The following PDE1C variants were observed in gnomAD, a reference collection of about 807,000 sequenced individuals.
PDE1C encodes the protein dual specificity calcium/calmodulin-dependent 3',5'-cyclic nucleotide phosphodiesterase 1C.
PDE1C carries 62 observed loss-of-function variants against 93.1 expected under a neutral mutation model. The ratio of observed to expected loss-of-function variants is 0.67; its 90% CI spans 0.54 to 0.82. The LOEUF (loss-of-function observed/expected upper bound fraction) is 0.82, where lower values mean the gene tolerates loss of function less well. Ranked by LOEUF, PDE1C falls within the 40% of genes least tolerant of loss-of-function variation. The probability of loss-of-function intolerance (pLI) is 0.00; values close to 1 mark genes in which losing one functional copy is unlikely to be tolerated. For synonymous variants in PDE1C, 325 were observed against 310.1 expected (o/e 1.05, Z -0.50); for missense variants, 742 against 884.6 (o/e 0.84, Z 2.04).
the PDE1C span, chr7:31,707,064 G>C: frequency 7.5e-6 from 5 of 666,260 alleles, no homozygotes; most frequent in Non-Finnish European, 1.2e-5. Context: ...CCTTCTCTGG[G>C]TTGGTACTGT....
intron 2 of PDE1C, among the ~76,000 whole-genome samples, chr7:32,187,455 A>G (rs1803958807): frequency 6.6e-6 from 1 of 152,086 alleles, no homozygotes; most frequent in Non-Finnish European, 1.5e-5. Flanking sequence ...TTTTACTAAT[A>G]TTATGTGAAT....
the PDE1C span, among the ~76,000 whole-genome samples, chr7:31,724,312 C>G: frequency 2.0e-5 from 3 of 152,170 alleles, no homozygotes; most frequent in Non-Finnish European, 2.9e-5. Context: ...GTCTTCCTAC[C>G]CATCACCTTG....
At chr7:31,779,278 T>G (rs1783225848) in intron 16 of PDE1C, among the ~76,000 whole-genome samples, 1 of 152,206 alleles carries the variant, frequency 6.6e-6, no homozygotes, top group Non-Finnish European at 1.5e-5. Context: ...AATTTAATGT[T>G]GCCTACATGA....
At chr7:32,240,669 A>G (rs1366417904) in intron 1 of PDE1C, among the ~76,000 whole-genome samples, 1 of 152,140 alleles carries the variant, frequency 6.6e-6, no homozygotes, top group Non-Finnish European at 1.5e-5. Flanking sequence ...GCTGAATGAG[A>G]GAGCTAGGAA....
the PDE1C span, among the ~76,000 whole-genome samples, chr7:31,744,639 G>T: frequency 6.6e-6 from 1 of 152,160 alleles, no homozygotes; most frequent in Non-Finnish European, 1.5e-5. Context: ...ATCAAGGCAT[G>T]ATATGCCCTT....
At chr7:32,367,805 T>C (rs1784254259) in intron 1 of PDE1C, among the ~76,000 whole-genome samples, 1 of 152,064 alleles carries the variant, frequency 6.6e-6, no homozygotes, top group Non-Finnish European at 1.5e-5. Context: ...TAGCTGGGTG[T>C]GTTAGCATGT....
At chr7:31,696,879 C>G in the PDE1C span, 1 of 1,428,498 alleles carries the variant, frequency 7.0e-7, no homozygotes, top group Non-Finnish European at 9.5e-7. Context: ...CTGTCTTCAC[C>G]AGATGTCTAT....
At chr7:32,108,378 G>A (rs940712032) in intron 3 of PDE1C, among the ~76,000 whole-genome samples, 3 of 151,198 alleles carry the variant, frequency 2.0e-5, no homozygotes, top group Non-Finnish European at 4.4e-5. Flanking sequence ...TAAAAATTCA[G>A]TCAAAACATT....
the PDE1C span, among the ~76,000 whole-genome samples, chr7:31,668,306 C>T: frequency 1.3e-5 from 2 of 151,900 alleles, no homozygotes; most frequent in Non-Finnish European, 2.9e-5. Context: ...GCCATTTGAC[C>T]CAGCAATTCC....
chr7:32,071,769 A>G (rs1796076907), upstream of PDE1C, among the ~76,000 whole-genome samples: 2 of 152,128 alleles, frequency 1.3e-5, no homozygotes, highest in African/African-American at 2.4e-5. Flanking sequence ...GAGGGAGGAC[A>G]GATGAAGAGA....
the PDE1C span, among the ~76,000 whole-genome samples, chr7:31,617,609 A>G: frequency 6.6e-6 from 1 of 150,806 alleles, no homozygotes. Context: ...CTCTTTAGAG[A>G]CAACTTTTAC....
intron 3 of PDE1C, among the ~76,000 whole-genome samples, chr7:32,158,514 G>T (rs1272518587): frequency 1.3e-5 from 2 of 152,148 alleles, no homozygotes; most frequent in Non-Finnish European, 2.9e-5. Context: ...GCATTTAGAA[G>T]GATGTAATTT....
At chr7:32,218,752 T>C (rs1806617370) in intron 1 of PDE1C, among the ~76,000 whole-genome samples, 2 of 152,228 alleles carry the variant, frequency 1.3e-5, no homozygotes, top group South Asian at 4.1e-4. Context: ...TTAATGAAAA[T>C]TGAAATTTAC....
chr7:31,959,853 G>C (rs535813839), intron 2 of PDE1C, among the ~76,000 whole-genome samples: 1 of 151,730 alleles, frequency 6.6e-6, no homozygotes. Context: ...TAGAAACAAT[G>C]TAATTTTCGA....
At chr7:31,984,154 C>T (rs1238859812) in intron 2 of PDE1C, among the ~76,000 whole-genome samples, 1 of 152,158 alleles carries the variant, frequency 6.6e-6, no homozygotes, top group Non-Finnish European at 1.5e-5. Flanking sequence ...AGTCAATGGC[C>T]TGTTAGGAAC....
chr7:32,082,675 C>G (rs1796774637), intron 3 of PDE1C, among the ~76,000 whole-genome samples: 1 of 152,196 alleles, frequency 6.6e-6, no homozygotes, highest in South Asian at 2.1e-4. Context: ...AACCATCGGA[C>G]AGCAGCATTC....
intron 2 of PDE1C, among the ~76,000 whole-genome samples, chr7:31,984,365 C>T (rs866741758): frequency 6.6e-6 from 1 of 152,192 alleles, no homozygotes; most frequent in African/African-American, 2.4e-5. Context: ...CTAAAACCAT[C>T]CCCCTGCCAT....
intron 6 of PDE1C, among the ~76,000 whole-genome samples, chr7:31,868,142 A>G (rs1795517765): frequency 6.6e-6 from 1 of 152,258 alleles, no homozygotes; most frequent in African/African-American, 2.4e-5. Context: ...ACATTTATAA[A>G]GCAAGGAAAT....
chr7:31,943,458 AT>A (rs943909516), intron 2 of PDE1C, among the ~76,000 whole-genome samples: 15 of 152,056 alleles, frequency 9.9e-5, no homozygotes, highest in Admixed American at 1.3e-4. Flanking sequence ...TCCATATTCT[AT>A]TTTTTTATGC....
Sources: gnomAD v4.1 joint callset for allele counts (sites outside exome capture counted in the v4.1 genomes callset) on GRCh38, gnomAD v4.1.1 for gene constraint, MANE v1.5 for transcripts, NCBI Gene and HGNC (gene_info 2026-07-23, HGNC 2026-07-21) for gene names.